IL1RAPL2: variants seen among roughly 807,000 people sequenced by gnomAD.
IL1RAPL2 encodes the protein X-linked interleukin-1 receptor accessory protein-like 2.
Under a neutral mutation model 44.1 loss-of-function variants are expected in IL1RAPL2, and 3 were observed. The ratio of observed to expected loss-of-function variants is 0.07; its 90% confidence interval spans 0.03 to 0.18. The LOEUF (loss-of-function observed/expected upper bound fraction) is 0.18. IL1RAPL2 is among the 10% of genes least tolerant of loss of function. The pLI, the probability that IL1RAPL2 is intolerant of heterozygous loss-of-function variation, is 1.00. For synonymous variants in IL1RAPL2, 181 were observed against 178.8 expected, an observed-to-expected ratio of 1.01 and a Z score of -0.10; for missense variants, 391 against 496.4, an observed-to-expected ratio of 0.79 and a Z score of 2.02.
At chrX:104,888,461 A>T (rs1407504896) in intron 2 of IL1RAPL2, among the ~76,000 whole-genome samples, 1 of 111,320 alleles carries the variant, frequency 9.0e-6, no homozygotes, top group Admixed American at 9.5e-5. Flanking sequence ...ATTTACTCCT[A>T]CCTTTAATTC....
At chrX:105,420,561 G>A (rs1048251395) in intron 5 of IL1RAPL2, among the ~76,000 whole-genome samples, 1 of 111,658 alleles carries the variant, frequency 9.0e-6, no homozygotes, top group Non-Finnish European at 1.9e-5. Flanking sequence ...CAGGGCCTAA[G>A]GAGTGTGCGT....
At chrX:105,111,066 T>C (rs1373103201) in intron 2 of IL1RAPL2, among the ~76,000 whole-genome samples, 2 of 112,178 alleles carry the variant, frequency 1.8e-5, no homozygotes, top group African/African-American at 6.5e-5. Flanking sequence ...TACACTGGCT[T>C]TGGAAAAGAG....
chrX:104,716,177 G>A (rs947077055), intron 2 of IL1RAPL2, among the ~76,000 whole-genome samples: 1 of 110,995 alleles, frequency 9.0e-6, no homozygotes, highest in African/African-American at 3.3e-5. Flanking sequence ...ACAAGCAATG[G>A]GGAAAAGATT....
intron 7 of IL1RAPL2, among the ~76,000 whole-genome samples, chrX:105,735,360 G>A (rs1451611145): frequency 9.2e-6 from 1 of 108,526 alleles, no homozygotes; most frequent in Non-Finnish European, 1.9e-5. Context: ...TTAAATAAGT[G>A]AGTTTTTTTG....
intron 6 of IL1RAPL2, among the ~76,000 whole-genome samples, chrX:105,525,884 C>A (rs2036592030): frequency 9.0e-6 from 1 of 111,688 alleles, no homozygotes; most frequent in Non-Finnish European, 1.9e-5. Flanking sequence ...TTGCCCCTGT[C>A]CCATGGCACC....
At chrX:104,765,584 C>T (rs977265564) in intron 2 of IL1RAPL2, among the ~76,000 whole-genome samples, 1 of 111,838 alleles carries the variant, frequency 8.9e-6, no homozygotes, top group African/African-American at 3.2e-5. Flanking sequence ...AAGACACACA[C>T]AATGCCCCAG....
intron 2 of IL1RAPL2, among the ~76,000 whole-genome samples, chrX:104,674,024 T>C (rs763373695): frequency 9.0e-6 from 1 of 111,514 alleles, no homozygotes; most frequent in East Asian, 2.8e-4. Context: ...TTTCTAGATA[T>C]ACAATCATGT....
chrX:105,113,564 C>A lies in IL1RAPL2; in HGVS notation c.83-81911C>A, dbSNP rs192454198. On this transcript the variant is annotated intron_variant, in intron 2 of 10. Coordinates refer to ENST00000372582, the MANE Select transcript of IL1RAPL2 (RefSeq NM_017416.2). Reference sequence around the variant, plus strand: ...TGTCAGTTTTCCAAAATATATTCCACTTCTCTCTGTCTCAGAGCAGGCCTT... The same window carrying A: ...TGTCAGTTTTCCAAAATATATTCCAATTCTCTCTGTCTCAGAGCAGGCCTT... Among the ~76,000 whole-genome samples, 24 of 111,997 alleles carry A rather than the reference C, an allele frequency of 2.1e-4. No homozygotes were observed. The East Asian group carries it at 6.8e-3, about 32-fold the overall frequency.
intron 5 of IL1RAPL2, among the ~76,000 whole-genome samples, chrX:105,386,125 G>A (rs1368669973): frequency 9.0e-6 from 1 of 111,263 alleles, no homozygotes; most frequent in Admixed American, 9.6e-5. Flanking sequence ...TGTGATCCCC[G>A]ATTGTGGTCT....
chrX:105,290,773 C>T, intron 5 of IL1RAPL2, among the ~76,000 whole-genome samples: 1 of 111,560 alleles, frequency 9.0e-6, no homozygotes, highest in Non-Finnish European at 1.9e-5. Context: ...AGGTCTCTTC[C>T]TCAAATTTGT....
chrX:105,041,357 T>G (rs1024306666), intron 2 of IL1RAPL2, among the ~76,000 whole-genome samples: 3 of 111,099 alleles, frequency 2.7e-5, no homozygotes, highest in African/African-American at 9.8e-5. Context: ...TATATTCTGT[T>G]GATTTGGGGT....
intron 2 of IL1RAPL2, among the ~76,000 whole-genome samples, chrX:105,118,822 T>C (rs1213375188): frequency 1.8e-5 from 2 of 112,073 alleles, no homozygotes; most frequent in Non-Finnish European, 3.8e-5. Flanking sequence ...GTGCCATAGC[T>C]CAAAAAACAT....
intron 2 of IL1RAPL2, among the ~76,000 whole-genome samples, chrX:105,144,067 ACAGT>A (rs1182275667): frequency 9.3e-6 from 1 of 107,416 alleles, no homozygotes; most frequent in Non-Finnish European, 1.9e-5. Context: ...TCCATAGATT[ACAGT>A]CAGAGTCTCC....
At chrX:105,605,985 A>G (rs1389320077) in intron 6 of IL1RAPL2, among the ~76,000 whole-genome samples, 2 of 111,803 alleles carry the variant, frequency 1.8e-5, no homozygotes, top group Non-Finnish European at 3.8e-5. Context: ...ACTTCAAACC[A>G]TAAAACGACT....
chrX:104,621,262 A>C (rs1430254131), intron 1 of IL1RAPL2, among the ~76,000 whole-genome samples: 7 of 107,490 alleles, frequency 6.5e-5, no homozygotes, highest in African/African-American at 2.4e-4. Context: ...ATAATATTAC[A>C]TCTAGAATTA....
At chrX:104,858,864 T>C (rs184845054) in intron 2 of IL1RAPL2, among the ~76,000 whole-genome samples, 1 of 112,133 alleles carries the variant, frequency 8.9e-6, no homozygotes. Context: ...ACCTCTCATT[T>C]AGCCTTTGAA....
At chrX:105,578,169 G>T (rs1427676843) in intron 6 of IL1RAPL2, among the ~76,000 whole-genome samples, 1 of 109,418 alleles carries the variant, frequency 9.1e-6, no homozygotes, top group Non-Finnish European at 1.9e-5. Flanking sequence ...ATAATCATTT[G>T]TAACAGCAAA....
intron 2 of IL1RAPL2, among the ~76,000 whole-genome samples, chrX:104,830,537 T>A (rs1602747971): frequency 2.7e-5 from 3 of 111,895 alleles, no homozygotes; most frequent in Non-Finnish European, 5.6e-5. Context: ...AAGTTTTTAA[T>A]GCATTTATCA....
chrX:104,672,433 T>A, intron 2 of IL1RAPL2, among the ~76,000 whole-genome samples: 1 of 110,460 alleles, frequency 9.1e-6, no homozygotes, highest in East Asian at 2.8e-4. Flanking sequence ...AACTCATCAT[T>A]TTTTATGGCT....
Sources: allele counts gnomAD v4.1 joint callset (sites outside exome capture counted in the v4.1 genomes callset), GRCh38; gene constraint gnomAD v4.1.1; transcripts MANE v1.5; gene names NCBI Gene and HGNC (gene_info 2026-07-23, HGNC 2026-07-21).